CAMK1D: variants seen among roughly 807,000 people sequenced by gnomAD.
CAMK1D encodes the protein calcium/calmodulin-dependent protein kinase type 1D.
A neutral mutation model predicts 47.7 loss-of-function variants in CAMK1D; 9 were observed. The observed-to-expected ratio is 0.19, with a 90% confidence interval of 0.11 to 0.33. The LOEUF is 0.33. Ranked by LOEUF, CAMK1D falls within the 10% of genes least tolerant of loss-of-function variation. The probability of loss-of-function intolerance (pLI) is 1.00; values close to 1 mark genes in which losing one functional copy is unlikely to be tolerated. For synonymous variants in CAMK1D, 184 were observed against 184.9 expected (o/e 0.99, Z 0.04); for missense variants, 291 against 488.7 (o/e 0.60, Z 3.81).
At chr10:12,782,687 C>G (rs572372160) in intron 5 of CAMK1D, among the ~76,000 whole-genome samples, 183 of 152,304 alleles carry the variant, frequency 1.2e-3, no homozygotes, top group Non-Finnish European at 2.1e-3. Context: ...CCTCAAGGAC[C>G]GGAAGACCAG....
At chr10:12,479,306 C>T (rs1833994313) in intron 1 of CAMK1D, among the ~76,000 whole-genome samples, 1 of 152,042 alleles carries the variant, frequency 6.6e-6, no homozygotes, top group Admixed American at 6.6e-5. Flanking sequence ...AAGTGATTCT[C>T]CTGCCTCAGC....
intron 1 of CAMK1D, among the ~76,000 whole-genome samples, chr10:12,393,095 A>G (rs1209237520): frequency 6.6e-6 from 1 of 150,406 alleles, no homozygotes; most frequent in Admixed American, 6.7e-5. Flanking sequence ...GCAGTGGTGC[A>G]ATCTCTGCTC....
chr10:12,554,660 C>T (rs1836703699), intron 2 of CAMK1D, among the ~76,000 whole-genome samples: 1 of 152,008 alleles, frequency 6.6e-6, no homozygotes, highest in Non-Finnish European at 1.5e-5. Flanking sequence ...CCTCTGGCTC[C>T]TGAGTAGCTA....
intron 2 of CAMK1D, among the ~76,000 whole-genome samples, chr10:12,583,198 T>TA (rs1837713706): frequency 6.6e-6 from 1 of 152,120 alleles, no homozygotes; most frequent in African/African-American, 2.4e-5. Context: ...ACTTGGAAAA[T>TA]ACATCTGTAC....
intron 1 of CAMK1D, among the ~76,000 whole-genome samples, chr10:12,509,672 G>A (rs1324377482): frequency 2.6e-5 from 4 of 152,208 alleles, no homozygotes; most frequent in African/African-American, 7.2e-5. Context: ...GATGAATTGA[G>A]CCTGGGAGGT....
At chr10:12,481,795 A>G (rs1231760284) in intron 1 of CAMK1D, among the ~76,000 whole-genome samples, 7 of 152,206 alleles carry the variant, frequency 4.6e-5, no homozygotes, top group Non-Finnish European at 8.8e-5. Context: ...GGTGTAGGCC[A>G]CCACGCCTGG....
At chr10:12,428,742 A>G (rs747678555) in intron 1 of CAMK1D, among the ~76,000 whole-genome samples, 2 of 152,178 alleles carry the variant, frequency 1.3e-5, no homozygotes, top group Non-Finnish European at 2.9e-5. Context: ...CTCTGTTGAA[A>G]TTCTCACTCC....
At chr10:12,689,928 T>C (rs60336991) in intron 3 of CAMK1D, among the ~76,000 whole-genome samples, 4,646 of 152,276 alleles carry the variant, frequency 0.031, 243 homozygotes, top group African/African-American at 0.11. Context: ...CAACCTTTGA[T>C]TGAAAGGTTT....
At chr10:12,383,012 G>C (rs1435330455) in intron 1 of CAMK1D, among the ~76,000 whole-genome samples, 2 of 151,734 alleles carry the variant, frequency 1.3e-5, no homozygotes, top group African/African-American at 4.8e-5. Context: ...GTAATGGACA[G>C]ATCTGGGATT....
At position 12,641,918 on chromosome 10, in the gene CAMK1D, G is replaced by A. The variant is rs574747973; in HGVS notation, c.225-24818G>A. Among the ~76,000 whole-genome samples the A allele has an allele frequency of 5.9e-5, 9 of 152,060 alleles. No individual in the cohort carries two copies. In the South Asian group the frequency reaches 8.3e-4, roughly 14 times the overall value. ...AAATTAGCAGGGCGTGGTGGAGGGC[G>A]CCTGTAGTCCCAGCTACTCTGGAGG... On this transcript the variant is annotated intron_variant, in intron 2 of 10. Coordinates refer to ENST00000619168, the MANE Select transcript of CAMK1D (RefSeq NM_153498.4).
intron 2 of CAMK1D, among the ~76,000 whole-genome samples, chr10:12,587,825 T>G (rs1837866666): frequency 6.6e-6 from 1 of 152,200 alleles, no homozygotes; most frequent in Non-Finnish European, 1.5e-5. Context: ...TAGATTTGTT[T>G]TTTTTAGATG....
chr10:12,634,342 C>T (rs906616509), intron 2 of CAMK1D, among the ~76,000 whole-genome samples: 5 of 152,088 alleles, frequency 3.3e-5, no homozygotes, highest in Non-Finnish European at 7.4e-5. Flanking sequence ...TCAGGAGACA[C>T]CTCCAAACAC....
chr10:12,818,428 T>A (rs1015930557), intron 8 of CAMK1D, among the ~76,000 whole-genome samples: 6 of 152,150 alleles, frequency 3.9e-5, no homozygotes, highest in Non-Finnish European at 7.3e-5. Context: ...CCCAGCACTT[T>A]GGGAGGCCAA....
chr10:12,466,874 A>C (rs1356221102), intron 1 of CAMK1D, among the ~76,000 whole-genome samples: 1 of 152,054 alleles, frequency 6.6e-6, no homozygotes, highest in African/African-American at 2.4e-5. Flanking sequence ...ACAGGTGCAA[A>C]ATGAAGCAGG....
intron 1 of CAMK1D, among the ~76,000 whole-genome samples, chr10:12,510,419 A>AAAT (rs1037940392): frequency 6.6e-6 from 1 of 152,062 alleles, no homozygotes; most frequent in Non-Finnish European, 1.5e-5. Context: ...CCGTCTAAAA[A>AAAT]AAAATAATAA....
intron 1 of CAMK1D, among the ~76,000 whole-genome samples, chr10:12,525,236 T>G (rs1835581074): frequency 6.6e-6 from 1 of 152,256 alleles, no homozygotes; most frequent in South Asian, 2.1e-4. Flanking sequence ...GCTTGGGATT[T>G]GATGAACTTC....
chr10:12,470,129 T>C (rs1170707366), intron 1 of CAMK1D, among the ~76,000 whole-genome samples: 1 of 152,234 alleles, frequency 6.6e-6, no homozygotes, highest in Non-Finnish European at 1.5e-5. Flanking sequence ...TATATAAATA[T>C]AGCTAGCCTT....
chr10:12,698,702 G>T lies in CAMK1D; in HGVS notation c.299+31892G>T, dbSNP rs1833393246. Among the ~76,000 whole-genome samples the T allele has an allele frequency of 7.1e-5, 6 of 84,344 alleles. No homozygotes were observed. In the South Asian group the frequency reaches 2.6e-3, roughly 36 times the overall value. The allele number at this position is 84,344 out of a possible 152,430, so 55.3% of individuals were successfully genotyped here. A position where few individuals can be genotyped will look rare whatever the true frequency, so the allele number is the denominator to read the frequency against. On this transcript the variant is annotated intron_variant, in intron 3 of 10. Transcript: ENST00000619168. ...TTTTTTTTTTTTTTTGAGACGGAGT[G>T]TCGCTCTGTCACCAGGCTGGAGTGC...
chr10:12,619,856 C>A (rs1838937711), intron 2 of CAMK1D, among the ~76,000 whole-genome samples: 1 of 152,090 alleles, frequency 6.6e-6, no homozygotes, highest in Non-Finnish European at 1.5e-5. Context: ...CATGATCTCA[C>A]CCCCTGCCTA....
Sources: allele counts gnomAD v4.1 joint callset (sites outside exome capture counted in the v4.1 genomes callset), GRCh38; gene constraint gnomAD v4.1.1; transcripts MANE v1.5; gene names NCBI Gene and HGNC (gene_info 2026-07-23, HGNC 2026-07-21).